B3GNT4: variants seen among roughly 807,000 people sequenced by gnomAD.
The protein encoded by B3GNT4 is UDP-GlcNAc:betaGal beta-1,3-N-acetylglucosaminyltransferase 4.
A neutral mutation model predicts 2.7 loss-of-function variants in B3GNT4; 2 were observed. The observed-to-expected ratio is 0.73, with a 90% CI of 0.30 to 2.31. The LOEUF is 2.31. Ranked by LOEUF, B3GNT4 falls within the 30% of genes most tolerant of loss-of-function variation. B3GNT4 has a pLI of 0.12. For synonymous variants in B3GNT4, 280 were observed against 203.4 expected (o/e 1.38, Z -3.20); for missense variants, 708 against 490.9 (o/e 1.44, Z -4.18).
rs1268442272 is a variant in B3GNT4, at chr12:122,208,826, ACT to A, written c.*1442_*1443del. 8.3e-6 allele frequency: 5 copies of A among 603,348 alleles called. No individual in the cohort carries two copies. The highest frequency in any genetic ancestry group is 4.3e-5 in the Admixed American group (2 of 46,902). The allele number at this position is 603,348 out of a possible 1,614,324, so 37.4% of individuals were successfully genotyped here. ...GCCAACATCACAATTATTAAATGCA[ACT>A]CTCACAATCATCTTTATAGCTACAG... is the stretch of plus-strand genomic sequence containing the variant. On this transcript the variant is annotated 3_prime_UTR_variant, in exon 3 of 3. Coordinates refer to ENST00000324189, the MANE Select transcript of B3GNT4 (RefSeq NM_030765.4).
In B3GNT4 at chr12:122,208,489, T is replaced by C. The variant is rs1953990694; in HGVS notation, c.*1101T>C. ...TCTGTGCTTCTGCCAGCTTGGTTTCTGCTTTCCGGGAGAGCTGGTGCACCT... is the reference window on the plus strand; with the variant it reads ...TCTGTGCTTCTGCCAGCTTGGTTTCCGCTTTCCGGGAGAGCTGGTGCACCT... On this transcript the variant is annotated 3_prime_UTR_variant, in exon 3 of 3. Coordinates refer to ENST00000324189, the MANE Select transcript of B3GNT4 (RefSeq NM_030765.4). 3 of 1,614,090 alleles carry C rather than the reference T, an allele frequency of 1.9e-6. No individual in the cohort carries two copies. Among genetic ancestry groups the C allele is most frequent in the Non-Finnish European group, 1.7e-6 (2 of 1,180,058 alleles).
Position 122,208,841 on chromosome 12 carries a change from T to A in B3GNT4, c.*1453T>A, listed in dbSNP as rs1241589294. The A allele has an allele frequency of 1.7e-6, 1 of 576,434 alleles. No homozygotes were observed. Among genetic ancestry groups the A allele is most frequent in the Non-Finnish European group, 3.3e-6 (1 of 305,588 alleles). The allele number at this position is 576,434 out of a possible 1,614,324, so 35.7% of individuals were successfully genotyped here. A position where few individuals can be genotyped will look rare whatever the true frequency, so the allele number is the denominator to read the frequency against. On this transcript the variant is annotated 3_prime_UTR_variant, in exon 3 of 3. Transcript: ENST00000324189. ...ATTAAATGCAACTCTCACAATCATC[T>A]TTATAGCTACAGAGCTTTTAGTACA... is the stretch of plus-strand genomic sequence containing the variant.
At position 122,203,722 on chromosome 12, in the gene B3GNT4, G is replaced by C; in HGVS notation, c.-177G>C. On this transcript the variant is annotated 5_prime_UTR_variant, in exon 1 of 3. Transcript: ENST00000324189. The stretch of plus-strand genomic sequence containing the variant: ...GAAGCCCCGCCCACTCCCGAGCCCC[G>C]AGAGCTCCGCGCACCTGGGCGCCAT... 3.9e-6 allele frequency: 1 copy of C among 257,698 alleles called. No individual in the cohort carries two copies. Among genetic ancestry groups the C allele is most frequent in the Non-Finnish European group, 6.8e-6 (1 of 147,586 alleles). 16.0% of individuals were successfully genotyped at this position (257,698 alleles called of 1,614,324 possible).
At chr12:122,206,072 CT>C in intron 2 of B3GNT4, 1 of 450,568 alleles carries the variant, frequency 2.2e-6, no homozygotes, top group Non-Finnish European at 3.9e-6. Context: ...GCTGCAAGTC[CT>C]TTTGGGAAAA....
chr12:122,206,541 T>C lies in B3GNT4; in HGVS notation c.290T>C (p.Leu97Ser), dbSNP rs1166445408. 6.2e-7 allele frequency: 1 copy of C among 1,614,216 alleles called. No individual in the cohort carries two copies. Among genetic ancestry groups the C allele is most frequent in the East Asian group, 2.2e-5 (1 of 44,878 alleles). The stretch of plus-strand genomic sequence containing the variant: ...CTGCCTAGCCGTCACCGTCTCTTCT[T>C]GACCTATCGTCACTGCCGAAATTTC... The part of the protein sequence containing the change: ...LSLPSRHRLF[L>S]TYRHCRNFSI... Residue 97 changes from leucine to serine, a missense_variant, in exon 3 of 3, where the codon TTG becomes TCG. By Grantham distance (145) the Leu-to-Ser change is moderately radical. Coordinates refer to ENST00000324189, the MANE Select transcript of B3GNT4 (RefSeq NM_030765.4).
chr12:122,207,616 G>A lies in B3GNT4; in HGVS notation c.*228G>A, dbSNP rs991048026. 6 of 622,196 alleles carry A rather than the reference G, an allele frequency of 9.6e-6. No homozygotes were observed. Among genetic ancestry groups the A allele is most frequent in the East Asian group, 2.8e-5 (1 of 35,126 alleles). 38.5% of individuals were successfully genotyped at this position (622,196 alleles called of 1,614,324 possible). A position where few individuals can be genotyped will look rare whatever the true frequency, so the allele number is the denominator to read the frequency against. ...AGGAACCTGTCGGGGCATTCCGGGC[G>A]CTGCCTGGGGCGCTGCAGTCTGGGA... is the stretch of plus-strand genomic sequence containing the variant. On this transcript the variant is annotated 3_prime_UTR_variant, in exon 3 of 3. Transcript: ENST00000324189.
At chr12:122,206,256 G>A in intron 2 of B3GNT4, 62 bp from the exon 3 acceptor site, 3 of 1,398,900 alleles carry the variant, frequency 2.1e-6, no homozygotes, top group Non-Finnish European at 2.9e-6. Context: ...GTTAACTCCT[G>A]CCCAACTCTT....
rs767124114 is a variant in B3GNT4, at chr12:122,208,894, CAT to C, written c.*1507_*1508del. 5.2e-4 allele frequency: 217 copies of C among 419,624 alleles called. 1 individual carries two copies. Among genetic ancestry groups the C allele is most frequent in the Middle Eastern group, 2.5e-3 (5 of 1,970 alleles). The allele number at this position is 419,624 out of a possible 1,614,324, so 26.0% of individuals were successfully genotyped here. A position where few individuals can be genotyped will look rare whatever the true frequency, so the allele number is the denominator to read the frequency against. Reference sequence around the variant, plus strand: ...CCTTTGATTAATTTTTTTAACTACACATCTTCCATTTCTTTTTGACAAAGAGA... The same window carrying C: ...CCTTTGATTAATTTTTTTAACTACACCTTCCATTTCTTTTTGACAAAGAGA... On this transcript the variant is annotated 3_prime_UTR_variant, in exon 3 of 3. Transcript: ENST00000324189.
rs142538376 is a variant in B3GNT4 at position 122,206,717 on chromosome 12, G to T, written c.466G>T (p.Val156Leu). 839 of 1,609,696 alleles carry T rather than the reference G, an allele frequency of 5.2e-4. 3 individuals carry two copies. The African/African-American group carries it at 9.8e-3, about 19-fold the overall frequency. ...GGCTAGGGGCCGGCAGCTGAAGCTGGTGTTCCTCCTAGGGGTGGCAGGATC... is the reference window on the plus strand; with the variant it reads ...GGCTAGGGGCCGGCAGCTGAAGCTGTTGTTCCTCCTAGGGGTGGCAGGATC... Reference protein sequence around the residue: ...GWARGRQLKLVFLLGVAGSAP... With the variant: ...GWARGRQLKLLFLLGVAGSAP... Residue 156 changes from valine (V) to leucine (L), a missense_variant, in exon 3 of 3, where the codon GTG becomes TTG. Coordinates refer to ENST00000324189, the MANE Select transcript of B3GNT4 (RefSeq NM_030765.4).
In B3GNT4 at chr12:122,208,745, G is replaced by A. The variant is rs1368840394; in HGVS notation, c.*1357G>A. On this transcript the variant is annotated 3_prime_UTR_variant, in exon 3 of 3. Coordinates refer to ENST00000324189, the MANE Select transcript of B3GNT4 (RefSeq NM_030765.4). ...AAAGAAACTTCCACCTCTATGTTCA[G>A]GTCTGGATTTAACTGACACTCTGTC... The A allele has an allele frequency of 2.7e-6, 2 of 734,566 alleles. No individual in the cohort carries two copies. The highest frequency in any genetic ancestry group is 1.7e-5 in the African/African-American group (1 of 57,852). The allele number at this position is 734,566 out of a possible 1,614,324, so 45.5% of individuals were successfully genotyped here. A position where few individuals can be genotyped will look rare whatever the true frequency, so the allele number is the denominator to read the frequency against.
chr12:122,208,384 A>G lies in B3GNT4; in HGVS notation c.*996A>G, dbSNP rs762179961. Reference sequence around the variant, plus strand: ...ACAGGGCAGTGTGCTCAGGCCCTCAATCCTCACGCAGGTAGGCCTCCTGCT... The same window carrying G: ...ACAGGGCAGTGTGCTCAGGCCCTCAGTCCTCACGCAGGTAGGCCTCCTGCT... On this transcript the variant is annotated 3_prime_UTR_variant, in exon 3 of 3. Transcript: ENST00000324189. 1.2e-6 allele frequency: 2 copies of G among 1,611,814 alleles called. No individual in the cohort carries two copies. The highest frequency in any genetic ancestry group is 1.7e-6 in the Non-Finnish European group (2 of 1,179,940).
In B3GNT4 at chr12:122,206,462, C is replaced by A; in HGVS notation, c.211C>A (p.Pro71Thr). ...CCAGCCTTTCTGGGCTCCCCCAACACCCCGTCACAGCCGGTGTCCACCCAA... is the reference window on the plus strand; with the variant it reads ...CCAGCCTTTCTGGGCTCCCCCAACAACCCGTCACAGCCGGTGTCCACCCAA... ...AHQPFWAPPT[P>T]RHSRCPPNHT... The change falls in exon 3 of 3, where the codon CCC (proline) becomes ACC (threonine). Residue 71 changes from proline to threonine, a missense_variant. Coordinates refer to ENST00000324189, the MANE Select transcript of B3GNT4 (RefSeq NM_030765.4). 1 of 1,614,180 alleles carries A rather than the reference C, an allele frequency of 6.2e-7. No homozygotes were observed. The highest frequency in any genetic ancestry group is 2.2e-5 in the East Asian group (1 of 44,880).
chr12:122,204,729 C>T, intron 2 of B3GNT4, 45 bp downstream of exon 2: 1 of 1,502,838 alleles, frequency 6.7e-7, no homozygotes, highest in East Asian at 2.3e-5. Context: ...TGTCCCCCAC[C>T]CCCGCATAGA....
Position 122,206,984 on chromosome 12 carries a change from G to T in B3GNT4, c.733G>T (p.Asp245Tyr). 6.2e-7 allele frequency: 1 copy of T among 1,614,096 alleles called. No individual in the cohort carries two copies. The highest frequency in any genetic ancestry group is 8.5e-7 in the Non-Finnish European group (1 of 1,180,008). ...WDPAQDLLVG[D>Y]VIRQALPNRN... ...CCCAGCCCAGGACCTCCTGGTGGGA[G>T]ATGTCATCCGCCAAGCCCTGCCCAA... Residue 245 changes from aspartate to tyrosine, a missense_variant, in exon 3 of 3, where the codon GAT becomes TAT. By Grantham distance (160) the Asp-to-Tyr change is radical. Coordinates refer to ENST00000324189, the MANE Select transcript of B3GNT4 (RefSeq NM_030765.4).
At chr12:122,206,060 T>C (rs2136073249) in intron 2 of B3GNT4, 1 of 441,694 alleles carries the variant, frequency 2.3e-6, no homozygotes, top group Non-Finnish European at 3.9e-6. Flanking sequence ...AGCTGTAAAG[T>C]GGCTGCAAGT....
In B3GNT4 at chr12:122,208,418, G is replaced by GCCCGCTCCT. The variant is rs778199816; in HGVS notation, c.*1034_*1042dup. ...CAGGTAGGCCTCCTGCTCCGACTCA[G>GCCCGCTCCT]CCCGCTCCTCCCCTTCCTCCTGTGT... is the stretch of plus-strand genomic sequence containing the variant. On this transcript the variant is annotated 3_prime_UTR_variant, in exon 3 of 3. Transcript: ENST00000324189. The GCCCGCTCCT allele has an allele frequency of 5.6e-6, 9 of 1,613,222 alleles. No individual in the cohort carries two copies. In the African/African-American group the frequency reaches 6.7e-5, roughly 12 times the overall value.
At chr12:122,204,706 T>C in intron 2 of B3GNT4, 22 bp downstream of exon 2, 1 of 1,586,824 alleles carries the variant, frequency 6.3e-7, no homozygotes, top group Non-Finnish European at 8.6e-7. Context: ...TCACCGCCTC[T>C]GCCAGACCCC....
rs764723790 is a variant in B3GNT4 at position 122,206,605 on chromosome 12, C to T, written c.354C>T (p.Thr118=). Residue 118 remains threonine, a synonymous_variant, in exon 3 of 3, where the codon ACC becomes ACT. Transcript: ENST00000324189. ...LLEPSGCSKD[T]FLLLAIKSQP... ...AGCCTTCAGGCTGTTCCAAGGATACCTTCTTGCTCCTGGCCATCAAGTCAC... is the reference window on the plus strand; with the variant it reads ...AGCCTTCAGGCTGTTCCAAGGATACTTTCTTGCTCCTGGCCATCAAGTCAC... 4.6e-5 allele frequency: 74 copies of T among 1,614,042 alleles called. No individual in the cohort carries two copies. Among genetic ancestry groups the T allele is most frequent in the Non-Finnish European group, 4.2e-5 (49 of 1,180,052 alleles).
In B3GNT4 at chr12:122,206,323, G is replaced by T; in HGVS notation, c.72G>T (p.Pro24=). 1 of 1,561,090 alleles carries T rather than the reference G, an allele frequency of 6.4e-7. No homozygotes were observed. The highest frequency in any genetic ancestry group is 8.7e-7 in the Non-Finnish European group (1 of 1,153,120). Residue 24 remains proline (P), a synonymous_variant, in exon 3 of 3, where the codon CCG becomes CCT. Coordinates refer to ENST00000324189, the MANE Select transcript of B3GNT4 (RefSeq NM_030765.4). ...AGGTGGCTCTCTCCTTGCAGGGACC[G>T]GCGATGCTCTGCAGGCTGTGCTGGC... ...GGRSGLLPKG[P]AMLCRLCWLV...
Sources: gnomAD v4.1 joint callset for allele counts on GRCh38, gnomAD v4.1.1 for gene constraint, MANE v1.5 for transcripts, NCBI Gene and HGNC (gene_info 2026-07-23, HGNC 2026-07-21) for gene names.